The following BCL7C variants were observed in gnomAD, a reference collection of about 807,000 sequenced individuals.
The protein encoded by BCL7C is BAF chromatin remodeling complex subunit BCL7C.
Under a neutral mutation model 26.2 loss-of-function variants are expected in BCL7C, and 8 were observed. That is an observed-to-expected ratio of 0.30 (90% CI 0.18 to 0.55). The LOEUF (loss-of-function observed/expected upper bound fraction) is 0.55. Among genes scored for constraint, BCL7C ranks in the 20% least tolerant of loss-of-function variants. The pLI is 0.93. For synonymous variants in BCL7C, 90 were observed against 116.5 expected (o/e 0.77, Z 1.47); for missense variants, 262 against 298.5 (o/e 0.88, Z 0.90).
At chr16:30,849,059 C>T (rs1299210928) in intron 5 of BCL7C, among the ~76,000 whole-genome samples, 1 of 151,508 alleles carries the variant, frequency 6.6e-6, no homozygotes, top group Admixed American at 6.6e-5. Context: ...TGGTGGTGGG[C>T]GCCTGTAGTC....
chr16:30,873,929 A>G (rs530008839), intron 5 of BCL7C, among the ~76,000 whole-genome samples: 185 of 24,044 alleles, frequency 7.7e-3, no homozygotes, highest in African/African-American at 0.019. Flanking sequence ...CTCTCTCTAT[A>G]TACATATATA....
chr16:30,835,993 C>T (rs1159630498), intron 5 of BCL7C, among the ~76,000 whole-genome samples: 1 of 151,980 alleles, frequency 6.6e-6, no homozygotes, highest in East Asian at 1.9e-4. Context: ...TGGCTCACGC[C>T]TGTAATCCCA....
chr16:30,840,539 G>C (rs941020194), intron 5 of BCL7C, among the ~76,000 whole-genome samples: 3 of 152,156 alleles, frequency 2.0e-5, no homozygotes, highest in African/African-American at 4.8e-5. Flanking sequence ...AGTTTTACAA[G>C]GGGAAGGCTG....
downstream of BCL7C, among the ~76,000 whole-genome samples, chr16:30,885,086 G>A (rs2055110848): frequency 6.6e-6 from 1 of 152,180 alleles, no homozygotes; most frequent in Non-Finnish European, 1.5e-5. Flanking sequence ...CCCAGAATCT[G>A]TGCATGTGTT....
rs1294301202 is a variant in BCL7C, at chr16:30,893,146, A to C, written c.171+66T>G. ...TCTCGGGGAGCTGGAGGTAGAGGTCAGCGTGGGGAGGAACTTGCCTGAGGT... is the reference window on the plus strand; with the variant it reads ...TCTCGGGGAGCTGGAGGTAGAGGTCCGCGTGGGGAGGAACTTGCCTGAGGT... On this transcript the variant is annotated intron_variant, in intron 2 of 5. Coordinates refer to ENST00000215115, the MANE Select transcript of BCL7C (RefSeq NM_004765.4). The surrounding 1 kb of genome is among the most constrained non-coding windows in gnomAD (Gnocchi z 5.2). The C allele has an allele frequency of 7.9e-6, 12 of 1,525,238 alleles. No homozygotes were observed. Among genetic ancestry groups the C allele is most frequent in the Non-Finnish European group, 9.9e-6 (11 of 1,111,880 alleles). 94.5% of individuals were successfully genotyped at this position (1,525,238 alleles called of 1,614,324 possible). A position where few individuals can be genotyped will look rare whatever the true frequency, so the allele number is the denominator to read the frequency against.
chr16:30,868,129 G>GCT (rs1555481092), intron 5 of BCL7C, among the ~76,000 whole-genome samples: 1 of 131,642 alleles, frequency 7.6e-6, no homozygotes, highest in African/African-American at 2.9e-5. Context: ...AAATCTGTGG[G>GCT]TTTTTTTTTT....
At chr16:30,864,605 C>T (rs960773787) in intron 5 of BCL7C, among the ~76,000 whole-genome samples, 17 of 152,172 alleles carry the variant, frequency 1.1e-4, no homozygotes, top group African/African-American at 2.2e-4. Flanking sequence ...CAAAAATTTT[C>T]ACCGCCCCAA....
chr16:30,844,348 CAAAAAAAAAAAAAA>C (rs55663737), intron 5 of BCL7C, among the ~76,000 whole-genome samples: 4 of 73,404 alleles, frequency 5.4e-5, no homozygotes, highest in Admixed American at 4.2e-4. Context: ...GACTCCGTCT[CAAAAAAAAAAAAAA>C]AAAAAAAAAA....
intron 5 of BCL7C, among the ~76,000 whole-genome samples, chr16:30,858,990 G>A (rs1270212925): frequency 1.3e-5 from 2 of 152,300 alleles, no homozygotes; most frequent in East Asian, 1.9e-4. Context: ...TACAAGCCAG[G>A]AGATAGTAGA....
intron 5 of BCL7C, among the ~76,000 whole-genome samples, chr16:30,866,131 G>A (rs370081198): frequency 4.6e-5 from 7 of 152,108 alleles, no homozygotes; most frequent in African/African-American, 1.7e-4. Flanking sequence ...GGGAGAGTGG[G>A]AGAGTTAGAA....
downstream of BCL7C, chr16:30,887,729 T>C: frequency 1.4e-6 from 2 of 1,382,126 alleles, no homozygotes; most frequent in South Asian, 3.0e-5. Flanking sequence ...TGAGCAATGG[T>C]GCATGAGACA....
chr16:30,861,861 T>TC lies in BCL7C; in HGVS notation c.529-26714_529-26713insG, dbSNP rs1306498745. 9.3e-4 allele frequency among the ~76,000 whole-genome samples: 127 copies of TC among 137,248 alleles called. 1 individual carries two copies. Among genetic ancestry groups the TC allele is most frequent in the Middle Eastern group, 3.6e-3 (1 of 276 alleles). 90.0% of individuals were successfully genotyped at this position (137,248 alleles called of 152,430 possible). On this transcript the variant is annotated intron_variant, in intron 5 of 5. Transcript: ENST00000380317. ...GGTGCCAACTTGGACAACATGCTTT[T>TC]TTTTTTTTTTTTTTTTTTTTGAGAC...
intron 5 of BCL7C, among the ~76,000 whole-genome samples, chr16:30,865,795 T>G (rs1192125465): frequency 1.3e-5 from 2 of 148,388 alleles, no homozygotes; most frequent in Non-Finnish European, 3.0e-5. Context: ...GGCGTGATCT[T>G]GGCTCACTGC....
chr16:30,852,489 C>CT (rs1286491720), intron 5 of BCL7C, among the ~76,000 whole-genome samples: 2,035 of 136,850 alleles, frequency 0.015, 28 homozygotes, highest in African/African-American at 0.036. Context: ...AACTTTATAA[C>CT]TTTTTTTTTT....
intron 5 of BCL7C, among the ~76,000 whole-genome samples, chr16:30,854,796 TC>T (rs1250850982): frequency 6.6e-6 from 1 of 151,060 alleles, no homozygotes; most frequent in African/African-American, 2.4e-5. Context: ...AACCTCCGTC[TC>T]CCAGAGCGAT....
intron 5 of BCL7C, among the ~76,000 whole-genome samples, chr16:30,843,845 G>A (rs1326726459): frequency 6.6e-6 from 1 of 151,600 alleles, no homozygotes; most frequent in Non-Finnish European, 1.5e-5. Context: ...TTGGAGACCA[G>A]CCTGGCCAAT....
At chr16:30,889,173 A>G (rs1197683047) in intron 4 of BCL7C, among the ~76,000 whole-genome samples, 1 of 152,172 alleles carries the variant, frequency 6.6e-6, no homozygotes, top group Non-Finnish European at 1.5e-5. Flanking sequence ...CGTGAGACAG[A>G]GGGAATGCAT....
intron 4 of BCL7C, among the ~76,000 whole-genome samples, chr16:30,891,951 C>T (rs2055245132): frequency 6.9e-6 from 1 of 144,724 alleles, no homozygotes; most frequent in African/African-American, 2.6e-5. Context: ...GTGACAGAGA[C>T]CTTGTCTCTA....
At chr16:30,861,263 C>G (rs1265938966) in intron 5 of BCL7C, among the ~76,000 whole-genome samples, 1 of 152,128 alleles carries the variant, frequency 6.6e-6, no homozygotes, top group Admixed American at 6.6e-5. Flanking sequence ...TCAAGGTATA[C>G]AATAATAGAG....
Sources: allele counts gnomAD v4.1 joint callset (sites outside exome capture counted in the v4.1 genomes callset), GRCh38; gene constraint gnomAD v4.1.1; non-coding constraint Gnocchi (gnomAD v3.1); transcripts MANE v1.5; gene names NCBI Gene and HGNC (gene_info 2026-07-23, HGNC 2026-07-21).